The following SUCLG2 variants were observed in gnomAD, a reference collection of about 807,000 sequenced individuals.
SUCLG2 encodes the protein succinate-CoA ligase GDP-forming subunit beta, also known as succinate--CoA ligase [GDP-forming] subunit beta, mitochondrial.
A neutral mutation model predicts 47.9 loss-of-function variants in SUCLG2; 42 were observed. The observed-to-expected ratio is 0.88, with a 90% confidence interval of 0.69 to 1.14. The LOEUF (loss-of-function observed/expected upper bound fraction) is 1.14. Ranked by LOEUF, SUCLG2 falls within the 50% of genes most tolerant of loss-of-function variation. SUCLG2 has a pLI of 0.00. For synonymous variants in SUCLG2, 195 were observed against 197.3 expected (o/e 0.99, Z 0.10); for missense variants, 571 against 525.9 (o/e 1.09, Z -0.84).
At chr3:67,532,671 T>C (rs116320512) in intron 2 of SUCLG2, among the ~76,000 whole-genome samples, 230 of 151,906 alleles carry the variant, frequency 1.5e-3, no homozygotes, top group African/African-American at 5.3e-3. Context: ...AGAATTTACA[T>C]ATATTTTAGT....
rs1559552181 is a variant in SUCLG2 at position 67,508,804 on chromosome 3, T to TA, written c.757+2dup. On this transcript the variant is annotated splice_region_variant and intron_variant, in intron 7 of 10. Coordinates refer to ENST00000307227, the MANE Select transcript of SUCLG2 (RefSeq NM_003848.4). ...TGTTTTCTCAATTCTTTTTTTTTTT[T>TA]ACCTTGTCCTTCTGGAGTTTCACCA... 4 of 1,568,404 alleles carry TA rather than the reference T, an allele frequency of 2.6e-6. No homozygotes were observed. The highest frequency in any genetic ancestry group is 4.5e-5 in the East Asian group (2 of 44,526).
chr3:67,647,393 C>T (rs1701210939), intron 1 of SUCLG2, among the ~76,000 whole-genome samples: 1 of 152,194 alleles, frequency 6.6e-6, no homozygotes, highest in African/African-American at 2.4e-5. Context: ...GTACACTGGT[C>T]AAAGTCTGAA....
chr3:67,481,593 T>C (rs142124020), intron 9 of SUCLG2, among the ~76,000 whole-genome samples: 19 of 152,342 alleles, frequency 1.2e-4, no homozygotes, highest in African/African-American at 4.6e-4. Flanking sequence ...TGACAGTCCA[T>C]GGCTGACATT....
chr3:67,433,834 G>A (rs1703547663), intron 9 of SUCLG2, among the ~76,000 whole-genome samples: 6 of 151,612 alleles, frequency 4.0e-5, no homozygotes, highest in Admixed American at 3.9e-4. Flanking sequence ...GCACAGAGAT[G>A]CTTAGTTAGC....
At chr3:67,623,630 C>T (rs759852905) in intron 1 of SUCLG2, among the ~76,000 whole-genome samples, 6 of 152,124 alleles carry the variant, frequency 3.9e-5, no homozygotes, top group African/African-American at 1.2e-4. Flanking sequence ...CATTAAAACC[C>T]GCCCAACTAC....
At chr3:67,512,820 T>G (rs1358989669) in intron 6 of SUCLG2, among the ~76,000 whole-genome samples, 1 of 150,536 alleles carries the variant, frequency 6.6e-6, no homozygotes, top group Non-Finnish European at 1.5e-5. Flanking sequence ...ATCATTCTAC[T>G]TTGTGTCTAT....
intron 10 of SUCLG2, among the ~76,000 whole-genome samples, chr3:67,368,928 C>T (rs768429084): frequency 7.2e-5 from 11 of 152,048 alleles, no homozygotes; most frequent in South Asian, 2.1e-4. Context: ...TTAATGAATC[C>T]GTAACCCACA....
intron 10 of SUCLG2, among the ~76,000 whole-genome samples, chr3:67,381,220 AAAT>A (rs1702152084): frequency 6.6e-6 from 1 of 151,998 alleles, no homozygotes; most frequent in Admixed American, 6.5e-5. Flanking sequence ...AAATAAAATA[AAAT>A]AAAAGTAAAA....
chr3:67,632,259 T>C (rs1342607231), intron 1 of SUCLG2, among the ~76,000 whole-genome samples: 1 of 152,172 alleles, frequency 6.6e-6, no homozygotes, highest in Non-Finnish European at 1.5e-5. Context: ...CTCTGCTCAC[T>C]GTAGCCTCCC....
intron 9 of SUCLG2, among the ~76,000 whole-genome samples, chr3:67,489,727 A>G (rs2107041266): frequency 6.6e-6 from 1 of 152,316 alleles, no homozygotes; most frequent in African/African-American, 2.4e-5. Context: ...GTGTGTAATG[A>G]AATGGGTTTT....
At chr3:67,587,407 T>C (rs958444100) in intron 2 of SUCLG2, among the ~76,000 whole-genome samples, 2 of 152,252 alleles carry the variant, frequency 1.3e-5, no homozygotes, top group African/African-American at 4.8e-5. Context: ...AGAATTCCCA[T>C]ATTGCGTCTG....
At chr3:67,481,054 C>T (rs1328685060) in intron 9 of SUCLG2, among the ~76,000 whole-genome samples, 1 of 152,120 alleles carries the variant, frequency 6.6e-6, no homozygotes, top group Admixed American at 6.5e-5. Flanking sequence ...CATCTACACT[C>T]ATAGAGTGCT....
chr3:67,503,239 C>A (rs1366154072), intron 7 of SUCLG2, among the ~76,000 whole-genome samples: 1 of 151,936 alleles, frequency 6.6e-6, no homozygotes, highest in Non-Finnish European at 1.5e-5. Context: ...CTTGTGTGAA[C>A]CAAGTGATAG....
At chr3:67,534,171 T>A (rs1452734914) in intron 2 of SUCLG2, among the ~76,000 whole-genome samples, 1 of 152,096 alleles carries the variant, frequency 6.6e-6, no homozygotes, top group African/African-American at 2.4e-5. Flanking sequence ...AATCAAGAAA[T>A]TCTTGACTGA....
chr3:67,386,605 G>C (rs1702266637), intron 10 of SUCLG2, among the ~76,000 whole-genome samples: 1 of 152,204 alleles, frequency 6.6e-6, no homozygotes, highest in South Asian at 2.1e-4. Context: ...AGGCAAGAAA[G>C]GGCATGTGTA....
At chr3:67,573,655 T>C (rs939789559) in intron 2 of SUCLG2, among the ~76,000 whole-genome samples, 3 of 152,116 alleles carry the variant, frequency 2.0e-5, no homozygotes, top group African/African-American at 7.2e-5. Context: ...CTCGAGAAGT[T>C]CAGGATCTTT....
chr3:67,488,057 A>G (rs1705103980), intron 9 of SUCLG2, among the ~76,000 whole-genome samples: 1 of 152,046 alleles, frequency 6.6e-6, no homozygotes, highest in Non-Finnish European at 1.5e-5. Flanking sequence ...AGCAGACTAT[A>G]TAATATTGTC....
rs138746144 is a variant in SUCLG2 at position 67,431,396 on chromosome 3, T to G, written c.1063-30545A>C. 7.2e-4 allele frequency among the ~76,000 whole-genome samples: 110 copies of G among 152,260 alleles called. 1 individual carries two copies. The highest frequency in any genetic ancestry group is 1.3e-3 in the Admixed American group (20 of 15,300). On this transcript the variant is annotated intron_variant, in intron 9 of 10. Transcript: ENST00000307227. ...GATGCAGAAAAGGCCTTTGATAAAA[T>G]TCAACACCCCTTCATGCTAAAAACT...
chr3:67,516,886 A>G (rs938413238), intron 6 of SUCLG2, among the ~76,000 whole-genome samples: 1 of 152,234 alleles, frequency 6.6e-6, no homozygotes, highest in Non-Finnish European at 1.5e-5. Context: ...GGTGACCACC[A>G]CTGCTACAGG....
Sources: allele counts gnomAD v4.1 joint callset (sites outside exome capture counted in the v4.1 genomes callset), GRCh38; gene constraint gnomAD v4.1.1; transcripts MANE v1.5; gene names NCBI Gene and HGNC (gene_info 2026-07-23, HGNC 2026-07-21).